ZNF711: variants seen among roughly 807,000 people sequenced by gnomAD.
The protein encoded by ZNF711 is ZFX family zinc finger ZNF711.
Under a neutral mutation model 43.5 loss-of-function variants are expected in ZNF711, and 3 were observed. The ratio of observed to expected loss-of-function variants is 0.07; its 90% CI spans 0.03 to 0.18. The LOEUF is 0.18. Among genes scored for constraint, ZNF711 ranks in the 10% least tolerant of loss-of-function variants. ZNF711 has a pLI of 1.00. For missense variants in ZNF711, 412 were observed against 604.0 expected (o/e 0.68, Z 3.33); for synonymous variants, 209 against 207.7 (o/e 1.01, Z -0.06).
intron 4 of ZNF711, among the ~76,000 whole-genome samples, chrX:85,254,369 C>T: frequency 1.2e-5 from 1 of 82,662 alleles, no homozygotes; most frequent in Non-Finnish European, 2.2e-5. Context: ...CTTTGGGAGG[C>T]CGAGGCGGGT....
chrX:85,260,005 T>G (rs1313275002), intron 5 of ZNF711, among the ~76,000 whole-genome samples: 2 of 111,333 alleles, frequency 1.8e-5, no homozygotes, highest in Non-Finnish European at 3.8e-5. Context: ...CTCATTCAGT[T>G]CGATATTGGC....
intron 5 of ZNF711, among the ~76,000 whole-genome samples, chrX:85,262,494 G>A (rs112707529): frequency 0.082 from 8,999 of 109,326 alleles, 804 homozygotes; most frequent in African/African-American, 0.27. Flanking sequence ...TGAGAATATA[G>A]TTTTTTTCTA....
At chrX:85,265,024 T>C in intron 6 of ZNF711, 94 bp from the exon 7 acceptor site, 5 of 828,932 alleles carry the variant, frequency 6.0e-6, no homozygotes, top group Non-Finnish European at 8.5e-6. Flanking sequence ...GAATTTATTT[T>C]TTTTCTAAGA....
chrX:85,257,882 A>T (rs1198270227), intron 5 of ZNF711, among the ~76,000 whole-genome samples: 4 of 113,313 alleles, frequency 3.5e-5, no homozygotes, highest in East Asian at 2.8e-4. Flanking sequence ...ATAAAAAAAT[A>T]GTAGATGTTG....
chrX:85,258,962 T>A (rs1170724354), intron 5 of ZNF711, among the ~76,000 whole-genome samples: 1 of 111,496 alleles, frequency 9.0e-6, no homozygotes, highest in Non-Finnish European at 1.9e-5. Context: ...TTTTGGGGAC[T>A]TAGTCATAAA....
intron 2 of ZNF711, among the ~76,000 whole-genome samples, chrX:85,246,284 A>G (rs73627338): frequency 0.019 from 2,164 of 112,164 alleles, 46 homozygotes; most frequent in African/African-American, 0.066. Context: ...GCAGAAAACA[A>G]TGGCATTTGA....
chrX:85,256,345 T>G (rs944433415), intron 5 of ZNF711, among the ~76,000 whole-genome samples: 7 of 112,323 alleles, frequency 6.2e-5, no homozygotes, highest in African/African-American at 2.3e-4. Flanking sequence ...ATTTAACATG[T>G]TTATTTTAGA....
chrX:85,246,239 T>C (rs753765985), intron 2 of ZNF711, among the ~76,000 whole-genome samples: 54 of 112,228 alleles, frequency 4.8e-4, no homozygotes, highest in Non-Finnish European at 1.0e-3. Flanking sequence ...TTGTGAACTC[T>C]CTTGGCCTTG....
At position 85,271,517 on chromosome X, in the gene ZNF711, C is replaced by T; in HGVS notation, c.2113C>T (p.Pro705Ser). 8.3e-7 allele frequency: 1 copy of T among 1,211,191 alleles called. No homozygotes were observed. The highest frequency in any genetic ancestry group is 1.1e-6 in the Non-Finnish European group (1 of 895,212). The change falls in exon 11 of 11, where the codon CCA (proline) becomes TCA (serine). Residue 705 changes from proline (P) to serine (S), a missense_variant. Physicochemically the swap from Pro to Ser is moderately conservative, Grantham distance 74. Coordinates refer to ENST00000674551, the MANE Select transcript of ZNF711 (RefSeq NM_001330574.2). Reference protein sequence around the residue: ...CRHCDFKTSDPFILSGHILSV... With the variant: ...CRHCDFKTSDSFILSGHILSV... ...GCACTGTGACTTTAAAACATCCGAT[C>T]CATTTATTCTTAGTGGCCATATCCT... is the stretch of plus-strand genomic sequence containing the variant.
chrX:85,247,683 T>A (rs753414242), intron 4 of ZNF711, 32 bp downstream of exon 4: 1 of 1,112,101 alleles, frequency 9.0e-7, no homozygotes, highest in African/African-American at 1.8e-5. Flanking sequence ...ATTTTTTTCT[T>A]TTTTAGAAGT....
At position 85,245,292 on chromosome X, in the gene ZNF711, A is replaced by G. The variant is rs1217143498; in HGVS notation, c.-405-611A>G. ...TTCTACTCCCCATGCATTAATGGAAAGATGTTTACTTGAGACGTACTTGGT... is the reference window on the plus strand; with the variant it reads ...TTCTACTCCCCATGCATTAATGGAAGGATGTTTACTTGAGACGTACTTGGT... On this transcript the variant is annotated intron_variant, in intron 1 of 10. Coordinates refer to ENST00000674551, the MANE Select transcript of ZNF711 (RefSeq NM_001330574.2). 4.5e-5 allele frequency among the ~76,000 whole-genome samples: 5 copies of G among 112,313 alleles called. No individual in the cohort carries two copies. The East Asian group carries it at 1.4e-3, about 31-fold the overall frequency.
chrX:85,260,809 C>T (rs980148287), intron 5 of ZNF711, among the ~76,000 whole-genome samples: 1 of 110,341 alleles, frequency 9.1e-6, no homozygotes, highest in Non-Finnish European at 1.9e-5. Flanking sequence ...GTGCTGAACC[C>T]CGCCCCCCCT....
intron 5 of ZNF711, among the ~76,000 whole-genome samples, chrX:85,262,922 T>C (rs139635464): frequency 9.0e-6 from 1 of 110,873 alleles, no homozygotes; most frequent in East Asian, 2.8e-4. Flanking sequence ...ATTTAGATCT[T>C]GCTAAAATTG....
intron 9 of ZNF711, 74 bp downstream of exon 9, chrX:85,268,415 AGT>A: frequency 9.1e-7 from 1 of 1,104,755 alleles, no homozygotes; most frequent in Non-Finnish European, 1.2e-6. Context: ...GTAAGTAACA[AGT>A]TTGTGTCTAC....
At chrX:85,255,849 A>C in intron 5 of ZNF711, 48 bp downstream of exon 5, 2 of 1,162,935 alleles carry the variant, frequency 1.7e-6, no homozygotes, top group Non-Finnish European at 2.3e-6. Context: ...TGATTTATAT[A>C]ATCTGGAAAA....
Position 85,271,561 on chromosome X carries a change from T to C in ZNF711, c.2157T>C (p.Asp719=), listed in dbSNP as rs1931572111. 8.3e-7 allele frequency: 1 copy of C among 1,209,610 alleles called. No individual in the cohort carries two copies. Among genetic ancestry groups the C allele is most frequent in the East Asian group, 3.0e-5 (1 of 33,705 alleles). ...ATATCCTTTCAGTTCATACTAAAGA[T>C]CAGCCATTGAAATGTAAAAGGTGCA... is the stretch of plus-strand genomic sequence containing the variant. The part of the protein sequence containing the change: ...SGHILSVHTK[D]QPLKCKRCKR... The change falls in exon 11 of 11, where the codon GAT becomes GAC. Residue 719 remains aspartate, a synonymous_variant. Transcript: ENST00000674551.
At chrX:85,248,905 A>G (rs751774024) in intron 4 of ZNF711, among the ~76,000 whole-genome samples, 11 of 112,094 alleles carry the variant, frequency 9.8e-5, no homozygotes, top group Non-Finnish European at 1.9e-4. Context: ...GTAAAGCCGT[A>G]TTCTAGTCAT....
intron 1 of ZNF711, among the ~76,000 whole-genome samples, chrX:85,244,478 G>A (rs1928821344): frequency 9.0e-6 from 1 of 111,435 alleles, no homozygotes; most frequent in Admixed American, 9.4e-5. Context: ...TGAGACCGTC[G>A]GTGGTTTAGG....
At chrX:85,259,334 T>C (rs1160364217) in intron 5 of ZNF711, among the ~76,000 whole-genome samples, 1 of 111,583 alleles carries the variant, frequency 9.0e-6, no homozygotes, top group Non-Finnish European at 1.9e-5. Flanking sequence ...AGTTGGATAA[T>C]TGATGTCTCT....
Sources: gnomAD v4.1 joint callset for allele counts (sites outside exome capture counted in the v4.1 genomes callset) on GRCh38, gnomAD v4.1.1 for gene constraint, MANE v1.5 for transcripts, NCBI Gene and HGNC (gene_info 2026-07-23, HGNC 2026-07-21) for gene names.